TENM4: variants seen among roughly 807,000 people sequenced by gnomAD.
TENM4 encodes teneurin-4.
A neutral mutation model predicts 243.3 loss-of-function variants in TENM4; 82 were observed. The observed-to-expected ratio is 0.34, with a 90% CI of 0.28 to 0.40. The LOEUF (loss-of-function observed/expected upper bound fraction) is 0.40, where lower values mean the gene tolerates loss of function less well. Among genes scored for constraint, TENM4 ranks in the 10% least tolerant of loss-of-function variants. TENM4 has a pLI of 1.00. For synonymous variants in TENM4, 1,412 were observed against 1,456.3 expected, an observed-to-expected ratio of 0.97 and a Z score of 0.69; for missense variants, 3,138 against 3,673.3, an observed-to-expected ratio of 0.85 and a Z score of 3.77.
At chr11:79,013,162 A>C (rs61882049) in intron 6 of TENM4, among the ~76,000 whole-genome samples, 7,966 of 152,248 alleles carry the variant, frequency 0.052, 304 homozygotes, top group Non-Finnish European at 0.084. Context: ...GGCAACATTC[A>C]GGGGGCACGA....
chr11:78,729,753 A>C (rs1164880501), intron 21 of TENM4, 110 bp from the exon 22 acceptor site: 3 of 1,390,240 alleles, frequency 2.2e-6, no homozygotes, highest in Non-Finnish European at 2.9e-6. Flanking sequence ...AGGGAAAGGC[A>C]GAAGGAGAGA....
intron 32 of TENM4, among the ~76,000 whole-genome samples, chr11:78,664,473 T>C (rs1365566660): frequency 6.6e-5 from 10 of 152,154 alleles, no homozygotes; most frequent in Non-Finnish European, 1.5e-4. Flanking sequence ...AATCTGCCTG[T>C]CTTGGCCTTC....
At chr11:78,659,990 A>G (rs1216346908) in intron 33 of TENM4, among the ~76,000 whole-genome samples, 1 of 152,242 alleles carries the variant, frequency 6.6e-6, no homozygotes, top group African/African-American at 2.4e-5. Context: ...GTGCTCAACA[A>G]CAAAGATCTC....
intron 6 of TENM4, among the ~76,000 whole-genome samples, chr11:79,007,575 A>C (rs1174263640): frequency 6.6e-6 from 1 of 152,128 alleles, no homozygotes; most frequent in African/African-American, 2.4e-5. Flanking sequence ...GAGGCTGCGG[A>C]GACCCTTTCC....
At chr11:79,396,392 C>T (rs966677814) in intron 1 of TENM4, among the ~76,000 whole-genome samples, 3 of 151,982 alleles carry the variant, frequency 2.0e-5, no homozygotes, top group Non-Finnish European at 4.4e-5. Flanking sequence ...ATTGCAAGTC[C>T]CAGAAAGTAG....
chr11:78,869,816 A>G (rs377488538), intron 9 of TENM4, among the ~76,000 whole-genome samples: 1 of 152,012 alleles, frequency 6.6e-6, no homozygotes, highest in Non-Finnish European at 1.5e-5. Context: ...ATTACAATTT[A>G]AAAAAAAATT....
chr11:79,429,955 C>A (rs1231247097), intron 1 of TENM4, among the ~76,000 whole-genome samples: 2 of 152,036 alleles, frequency 1.3e-5, no homozygotes, highest in Non-Finnish European at 2.9e-5. Context: ...ACCAAGGTCC[C>A]ACAGATAGAA....
At chr11:79,379,031 A>T (rs969269032) in intron 1 of TENM4, among the ~76,000 whole-genome samples, 3 of 152,224 alleles carry the variant, frequency 2.0e-5, no homozygotes, top group Admixed American at 2.0e-4. Flanking sequence ...TAGAGGTTAC[A>T]GTGCTTGTAG....
intron 1 of TENM4, among the ~76,000 whole-genome samples, chr11:79,326,823 G>T (rs1856982593): frequency 6.6e-6 from 1 of 152,160 alleles, no homozygotes; most frequent in Non-Finnish European, 1.5e-5. Flanking sequence ...GAAGGAACCA[G>T]GTCTATTTAT....
At chr11:79,051,041 T>G (rs1406725833) in intron 6 of TENM4, among the ~76,000 whole-genome samples, 2 of 152,230 alleles carry the variant, frequency 1.3e-5, no homozygotes, top group East Asian at 3.8e-4. Flanking sequence ...GCCAGCTGCA[T>G]GATCTCAAGA....
At chr11:79,164,048 AATACT>A (rs1862831509) in intron 3 of TENM4, among the ~76,000 whole-genome samples, 2 of 121,922 alleles carry the variant, frequency 1.6e-5, no homozygotes, top group South Asian at 4.8e-4. Context: ...ATACACTATA[AATACT>A]ATGTATATAT....
At chr11:78,961,203 TAC>T (rs543931999) in intron 6 of TENM4, among the ~76,000 whole-genome samples, 4 of 152,230 alleles carry the variant, frequency 2.6e-5, no homozygotes, top group Non-Finnish European at 5.9e-5. Context: ...ACACAAAACC[TAC>T]AGTGTTATTT....
chr11:79,295,852 G>T (rs1307505608), intron 2 of TENM4, among the ~76,000 whole-genome samples: 1 of 81,120 alleles, frequency 1.2e-5, no homozygotes, highest in Non-Finnish European at 2.3e-5. Flanking sequence ...AATTACACCC[G>T]TAAGTGTTTT....
At chr11:79,321,640 CAAAAAAAA>C (rs60886884) in intron 1 of TENM4, among the ~76,000 whole-genome samples, 5 of 82,216 alleles carry the variant, frequency 6.1e-5, no homozygotes, top group Non-Finnish European at 9.3e-5. Context: ...AGGAAATTAC[CAAAAAAAA>C]AAAAAAAAAA....
intron 1 of TENM4, among the ~76,000 whole-genome samples, chr11:79,323,832 C>T (rs967717835): frequency 1.3e-5 from 2 of 152,042 alleles, no homozygotes; most frequent in African/African-American, 2.4e-5. Flanking sequence ...TTCCTACAAT[C>T]GTGTGAGTCA....
intron 3 of TENM4, among the ~76,000 whole-genome samples, chr11:79,215,317 C>T (rs770466456): frequency 6.6e-6 from 1 of 152,146 alleles, no homozygotes; most frequent in Non-Finnish European, 1.5e-5. Flanking sequence ...GCCTCCAGAC[C>T]ACCTGCCTTC....
intron 28 of TENM4, among the ~76,000 whole-genome samples, chr11:78,698,849 A>G (rs1307070230): frequency 6.6e-6 from 1 of 152,200 alleles, no homozygotes; most frequent in Non-Finnish European, 1.5e-5. Context: ...CCCTTGCTTC[A>G]TTCTCAGCCT....
At chr11:78,897,295 G>C (rs1855820649) in intron 7 of TENM4, among the ~76,000 whole-genome samples, 1 of 152,132 alleles carries the variant, frequency 6.6e-6, no homozygotes, top group Admixed American at 6.5e-5. Context: ...TCTACCCCAG[G>C]CTTCTTTTCC....
intron 6 of TENM4, among the ~76,000 whole-genome samples, chr11:78,986,468 C>T (rs1235555271): frequency 1.3e-5 from 2 of 152,210 alleles, no homozygotes; most frequent in South Asian, 2.1e-4. Context: ...GTGGCTTTTG[C>T]CCAGGTTCTC....
Sources: gnomAD v4.1 joint callset for allele counts (sites outside exome capture counted in the v4.1 genomes callset) on GRCh38, gnomAD v4.1.1 for gene constraint, MANE v1.5 for transcripts, NCBI Gene and HGNC (gene_info 2026-07-23, HGNC 2026-07-21) for gene names.